Variants in SNURF observed in about 807,000 individuals in gnomAD.
SNURF encodes the protein SNRPN upstream open reading frame, also known as SNURF protein.
Under a neutral mutation model 11.6 loss-of-function variants are expected in SNURF, and 6 were observed. That is an observed-to-expected ratio of 0.52 (90% CI 0.28 to 1.02). The LOEUF is 1.02. Among genes scored for constraint, SNURF ranks in the 50% least tolerant of loss-of-function variants. SNURF has a pLI of 0.09. For synonymous variants in SNURF, 29 were observed against 31.6 expected (o/e 0.92, Z 0.27); for missense variants, 84 against 88.4 (o/e 0.95, Z 0.20).
At chr15:24,966,532 A>T (rs1260727799) in intron 2 of SNURF, among the ~76,000 whole-genome samples, 1 of 152,246 alleles carries the variant, frequency 6.6e-6, no homozygotes, top group Admixed American at 6.5e-5. Flanking sequence ...GGCTTGCTCA[A>T]AACCCCAACC....
At chr15:24,956,926 C>T (rs1566952103) in intron 1 of SNURF, among the ~76,000 whole-genome samples, 1 of 152,186 alleles carries the variant, frequency 6.6e-6, no homozygotes, top group Non-Finnish European at 1.5e-5. Flanking sequence ...TGCAGCCACC[C>T]CAAGACCTGC....
chr15:24,974,602 G>A (rs2076849905), intron 3 of SNURF: 2 of 804,800 alleles, frequency 2.5e-6, no homozygotes, highest in South Asian at 2.9e-5. Context: ...TTGAGTATCA[G>A]CTGAAGATGA....
downstream of SNURF, among the ~76,000 whole-genome samples, chr15:24,969,312 A>G (rs1188610011): frequency 6.6e-6 from 1 of 152,104 alleles, no homozygotes; most frequent in African/African-American, 2.4e-5. Context: ...TATTTTTGGT[A>G]GAGACGGGGT....
intron 1 of SNURF, among the ~76,000 whole-genome samples, chr15:24,961,830 T>A (rs1393803464): frequency 6.6e-6 from 1 of 152,198 alleles, no homozygotes; most frequent in Non-Finnish European, 1.5e-5. Context: ...GAATTTTATA[T>A]GTACGTGACT....
chr15:24,978,164 G>A (rs370331337), downstream of SNURF: 85 of 1,604,370 alleles, frequency 5.3e-5, no homozygotes, highest in Admixed American at 1.4e-4. Context: ...ATTTTATGAG[G>A]CCTTTATTTC....
chr15:24,968,926 CTG>C (rs2076043297), downstream of SNURF: 2 of 152,148 alleles, frequency 1.3e-5, no homozygotes, highest in South Asian at 2.1e-4. Context: ...TGTTTTTCCT[CTG>C]TGATTTTTCT....
At chr15:24,975,349 T>C in intron 3 of SNURF, 2 of 1,610,858 alleles carry the variant, frequency 1.2e-6, no homozygotes, top group Non-Finnish European at 1.7e-6. Context: ...CTTGTCTTAC[T>C]GCTTCTAGAC....
intron 1 of SNURF, among the ~76,000 whole-genome samples, chr15:24,959,573 T>G (rs2074431336): frequency 6.6e-6 from 1 of 152,226 alleles, no homozygotes; most frequent in Admixed American, 6.5e-5. Flanking sequence ...TCTTTTTGTT[T>G]TTTGGTAAGA....
downstream of SNURF, among the ~76,000 whole-genome samples, chr15:24,970,971 T>G (rs1156854549): frequency 1.3e-5 from 2 of 152,190 alleles, no homozygotes; most frequent in Non-Finnish European, 2.9e-5. Flanking sequence ...CTCTATAATT[T>G]TAAATTTTAA....
chr15:24,975,585 T>G, intron 4 of SNURF: 1 of 1,258,756 alleles, frequency 7.9e-7, no homozygotes, highest in South Asian at 1.3e-5. Context: ...AGTAAGGGAT[T>G]TCCGAGGGTA....
chr15:24,973,793 CT>C (rs1378191097), downstream of SNURF, among the ~76,000 whole-genome samples: 1 of 152,154 alleles, frequency 6.6e-6, no homozygotes, highest in Non-Finnish European at 1.5e-5. Context: ...CATGTGTTCT[CT>C]TTTGACATGG....
At chr15:24,960,128 G>A (rs562873711) in intron 1 of SNURF, among the ~76,000 whole-genome samples, 1 of 152,184 alleles carries the variant, frequency 6.6e-6, no homozygotes, top group Admixed American at 6.5e-5. Flanking sequence ...AGCTGGGTGT[G>A]GTGGTGCATG....
exon 3 of SNURF, chr15:24,968,132 G>A (rs368623157): frequency 4.1e-5 from 43 of 1,049,124 alleles, no homozygotes; most frequent in African/African-American, 2.8e-4. Context: ...TTAAAGAATG[G>A]GGTGTTGGGG....
At chr15:24,959,773 A>T (rs1226157078) in intron 1 of SNURF, among the ~76,000 whole-genome samples, 8 of 152,166 alleles carry the variant, frequency 5.3e-5, no homozygotes, top group Admixed American at 4.6e-4. Flanking sequence ...CTTCATTCGT[A>T]AGTTGATGGA....
chr15:24,976,887 C>T, exon 6 of SNURF: 2 of 1,608,018 alleles, frequency 1.2e-6, no homozygotes, highest in Non-Finnish European at 1.7e-6. Context: ...ACTGGCATTG[C>T]TCGGGTACCA....
At chr15:24,977,915 A>G (rs1366441359), downstream of SNURF, 3 of 1,559,714 alleles carry the variant, frequency 1.9e-6, no homozygotes, top group South Asian at 3.6e-5. Context: ...CCCCACCTCC[A>G]GGTAAGGGAT....
At chr15:24,958,277 T>G (rs968387709) in intron 1 of SNURF, among the ~76,000 whole-genome samples, 3 of 152,078 alleles carry the variant, frequency 2.0e-5, no homozygotes, top group African/African-American at 7.2e-5. Context: ...GCCCTCTGTT[T>G]AGCTATTTTT....
intron 6 of SNURF, among the ~76,000 whole-genome samples, chr15:24,977,464 A>C (rs1299643655): frequency 6.6e-6 from 1 of 151,922 alleles, no homozygotes; most frequent in Non-Finnish European, 1.5e-5. Flanking sequence ...CGTGGTGAAA[A>C]CCCTATCTCT....
chr15:24,973,717 C>G (rs572488364), downstream of SNURF, among the ~76,000 whole-genome samples: 5 of 152,050 alleles, frequency 3.3e-5, no homozygotes, highest in Admixed American at 3.3e-4. Flanking sequence ...TGATTTATAA[C>G]TTTGTCCTTC....
Sources: gnomAD v4.1 joint callset for allele counts (sites outside exome capture counted in the v4.1 genomes callset) on GRCh38, gnomAD v4.1.1 for gene constraint, MANE v1.5 for transcripts, NCBI Gene and HGNC (gene_info 2026-07-23, HGNC 2026-07-21) for gene names.